Variants in LHFPL2 observed in about 807,000 individuals in gnomAD.
LHFPL2 encodes LHFPL tetraspan subfamily member 2 protein.
Under a neutral mutation model 17.5 loss-of-function variants are expected in LHFPL2, and 7 were observed. That is an observed-to-expected ratio of 0.40 (90% CI 0.23 to 0.75). The LOEUF is 0.75. Ranked by LOEUF, LHFPL2 falls within the 30% of genes least tolerant of loss-of-function variation. The pLI is 0.37. For missense variants in LHFPL2, 241 were observed against 294.8 expected, an observed-to-expected ratio of 0.82 and a Z score of 1.34; for synonymous variants, 134 against 116.2, an observed-to-expected ratio of 1.15 and a Z score of -0.99.
chr5:78,554,172 GACA>G (rs1201570837), intron 3 of LHFPL2, among the ~76,000 whole-genome samples: 1 of 152,208 alleles, frequency 6.6e-6, no homozygotes, highest in East Asian at 1.9e-4. Context: ...GAAAACTTAC[GACA>G]GTGCAAGGGG....
intron 3 of LHFPL2, among the ~76,000 whole-genome samples, chr5:78,551,595 C>T (rs944022057): frequency 6.6e-6 from 1 of 152,128 alleles, no homozygotes. Flanking sequence ...GAAAACAACA[C>T]CCCAAAACGA....
intron 4 of LHFPL2, among the ~76,000 whole-genome samples, chr5:78,493,814 A>G (rs977768597): frequency 6.6e-6 from 1 of 152,228 alleles, no homozygotes; most frequent in Admixed American, 6.5e-5. Flanking sequence ...AACAATTAAA[A>G]TCAATAACTT....
At chr5:78,499,737 T>C (rs1754715916) in intron 4 of LHFPL2, among the ~76,000 whole-genome samples, 1 of 152,006 alleles carries the variant, frequency 6.6e-6, no homozygotes, top group Admixed American at 6.6e-5. Flanking sequence ...AAAATAAAGG[T>C]AGCCTATTGT....
At chr5:78,586,310 G>A (rs997596180) in intron 2 of LHFPL2, among the ~76,000 whole-genome samples, 3 of 152,186 alleles carry the variant, frequency 2.0e-5, no homozygotes, top group African/African-American at 7.2e-5. Flanking sequence ...GATCAAACAG[G>A]ACACACGTAC....
At chr5:78,589,801 G>A (rs947629444) in intron 2 of LHFPL2, among the ~76,000 whole-genome samples, 6 of 152,292 alleles carry the variant, frequency 3.9e-5, no homozygotes, top group South Asian at 2.1e-4. Flanking sequence ...TCAAGGCCTC[G>A]CCTGATGCCC....
chr5:78,644,519 G>C (rs1745794140), intron 1 of LHFPL2: 1 of 593,950 alleles, frequency 1.7e-6, no homozygotes, highest in Non-Finnish European at 3.1e-6. Context: ...TTGATTTTTG[G>C]GCGACACTCA....
intron 1 of LHFPL2, among the ~76,000 whole-genome samples, chr5:78,647,369 G>A (rs141306187): frequency 4.4e-4 from 67 of 152,284 alleles, no homozygotes; most frequent in African/African-American, 1.6e-3. Context: ...GAGCTCTCTG[G>A]CCAAGGGGTA....
intron 2 of LHFPL2, among the ~76,000 whole-genome samples, chr5:78,595,850 A>C: frequency 6.6e-6 from 1 of 152,108 alleles, no homozygotes; most frequent in Non-Finnish European, 1.5e-5. Context: ...CTCTCTTTGG[A>C]GGGGATTCCT....
chr5:78,528,347 C>T (rs577058646), intron 3 of LHFPL2, among the ~76,000 whole-genome samples: 4 of 152,310 alleles, frequency 2.6e-5, no homozygotes, highest in African/African-American at 9.6e-5. Flanking sequence ...CTGAGCTCTG[C>T]CTCTTGTCAT....
intron 3 of LHFPL2, among the ~76,000 whole-genome samples, chr5:78,549,486 G>GCTAT (rs1756377663): frequency 6.6e-6 from 1 of 152,210 alleles, no homozygotes; most frequent in Non-Finnish European, 1.5e-5. Context: ...CAGAGTTATA[G>GCTAT]GAGTTCTGGG....
At chr5:78,507,005 A>G (rs1412564273) in intron 4 of LHFPL2, among the ~76,000 whole-genome samples, 1 of 152,180 alleles carries the variant, frequency 6.6e-6, no homozygotes, top group African/African-American at 2.4e-5. Context: ...ACCTTCCTCC[A>G]AGAGACCTTG....
intron 3 of LHFPL2, among the ~76,000 whole-genome samples, chr5:78,550,327 A>G (rs752425680): frequency 2.6e-5 from 4 of 152,200 alleles, no homozygotes; most frequent in Non-Finnish European, 5.9e-5. Context: ...GATGATCCCA[A>G]TAGTGGGTGA....
At chr5:78,598,655 G>C (rs1743904241) in intron 2 of LHFPL2, among the ~76,000 whole-genome samples, 1 of 152,164 alleles carries the variant, frequency 6.6e-6, no homozygotes, top group African/African-American at 2.4e-5. Context: ...TCTGGGTCAA[G>C]ACAACCTTAC....
At chr5:78,520,810 G>T (rs1466202430) in intron 3 of LHFPL2, among the ~76,000 whole-genome samples, 1 of 138,856 alleles carries the variant, frequency 7.2e-6, no homozygotes, top group Non-Finnish European at 1.5e-5. Flanking sequence ...TCGGCTAACT[G>T]CTAACTGCTA....
chr5:78,580,499 A>C (rs952343487), intron 2 of LHFPL2, among the ~76,000 whole-genome samples: 3 of 148,076 alleles, frequency 2.0e-5, no homozygotes, highest in Non-Finnish European at 4.5e-5. Context: ...TAAGTCTTTA[A>C]TTCATCTTGA....
chr5:78,550,068 T>A (rs1490605040), intron 3 of LHFPL2, among the ~76,000 whole-genome samples: 2 of 152,212 alleles, frequency 1.3e-5, no homozygotes, highest in African/African-American at 4.8e-5. Flanking sequence ...AAATTCCACG[T>A]TTGAAATTCA....
chr5:78,518,186 T>C (rs1755344965), intron 3 of LHFPL2, among the ~76,000 whole-genome samples: 1 of 152,232 alleles, frequency 6.6e-6, no homozygotes, highest in African/African-American at 2.4e-5. Context: ...GTTTCTCAAG[T>C]TTATAATGAA....
intron 2 of LHFPL2, among the ~76,000 whole-genome samples, chr5:78,582,621 T>C (rs1269703973): frequency 1.3e-5 from 2 of 152,066 alleles, no homozygotes; most frequent in Non-Finnish European, 2.9e-5. Context: ...AATCCTGAGT[T>C]CTAGTTTGAT....
intron 2 of LHFPL2, among the ~76,000 whole-genome samples, chr5:78,572,564 T>C (rs1252480756): frequency 2.6e-5 from 4 of 151,504 alleles, no homozygotes; most frequent in African/African-American, 4.9e-5. Flanking sequence ...ACTAAATATA[T>C]GAGGACATTG....
Sources: gnomAD v4.1 joint callset for allele counts (sites outside exome capture counted in the v4.1 genomes callset) on GRCh38, gnomAD v4.1.1 for gene constraint, MANE v1.5 for transcripts, NCBI Gene and HGNC (gene_info 2026-07-23, HGNC 2026-07-21) for gene names.